Variants in MEGF11 observed in about 807,000 individuals in gnomAD.
MEGF11 encodes multiple epidermal growth factor-like domains protein 11.
Under a neutral mutation model 146.6 loss-of-function variants are expected in MEGF11, and 126 were observed. The ratio of observed to expected loss-of-function variants is 0.86; its 90% confidence interval spans 0.74 to 1.00. The LOEUF (loss-of-function observed/expected upper bound fraction) is 1.00, where lower values mean the gene tolerates loss of function less well. MEGF11 is among the 50% of genes least tolerant of loss of function. The pLI, the probability that MEGF11 is intolerant of heterozygous loss-of-function variation, is 0.00. For synonymous variants in MEGF11, 532 were observed against 583.4 expected (o/e 0.91, Z 1.27); for missense variants, 1,509 against 1,521.2 (o/e 0.99, Z 0.13).
chr15:65,926,886 G>A (rs2079389863), intron 13 of MEGF11, among the ~76,000 whole-genome samples: 1 of 152,178 alleles, frequency 6.6e-6, no homozygotes, highest in African/African-American at 2.4e-5. Flanking sequence ...CAGTGACCAG[G>A]GTTGAGCCTT....
At chr15:65,970,402 G>A in intron 8 of MEGF11, 151 bp downstream of exon 8, 2 of 835,704 alleles carry the variant, frequency 2.4e-6, no homozygotes, top group Non-Finnish European at 3.6e-6. Flanking sequence ...GAGGGATCAG[G>A]TGCCAACCCT....
intron 4 of MEGF11, among the ~76,000 whole-genome samples, chr15:66,096,989 G>C (rs1051969574): frequency 2.6e-5 from 4 of 152,138 alleles, no homozygotes; most frequent in Non-Finnish European, 4.4e-5. Context: ...CCCTGGTAAG[G>C]ACTCTGCTAA....
At chr15:66,190,596 C>T (rs1380924234) in intron 1 of MEGF11, among the ~76,000 whole-genome samples, 1 of 152,068 alleles carries the variant, frequency 6.6e-6, no homozygotes, top group African/African-American at 2.4e-5. Flanking sequence ...TTGTAGGTGG[C>T]CAAGAGATAG....
At chr15:66,157,610 A>G (rs1290099220) in intron 1 of MEGF11, among the ~76,000 whole-genome samples, 1 of 152,240 alleles carries the variant, frequency 6.6e-6, no homozygotes, top group Non-Finnish European at 1.5e-5. Flanking sequence ...AATGTCATTA[A>G]GAGGGGACAT....
chr15:66,099,678 C>G (rs1428479198), intron 4 of MEGF11, among the ~76,000 whole-genome samples: 1 of 152,216 alleles, frequency 6.6e-6, no homozygotes, highest in African/African-American at 2.4e-5. Flanking sequence ...TCATGCAAAG[C>G]ACCAAGTACC....
At chr15:65,940,776 C>A (rs2079962627) in intron 10 of MEGF11, among the ~76,000 whole-genome samples, 1 of 152,166 alleles carries the variant, frequency 6.6e-6, no homozygotes, top group Admixed American at 6.5e-5. Context: ...TGTCTGGCTC[C>A]CATGCAGGTG....
chr15:65,989,428 G>T (rs113190098), intron 5 of MEGF11, among the ~76,000 whole-genome samples: 3 of 152,282 alleles, frequency 2.0e-5, no homozygotes, highest in South Asian at 2.1e-4. Context: ...CTCCCAGAAA[G>T]GTCTGTGGCC....
At chr15:66,083,955 A>G (rs1208156375) in intron 5 of MEGF11, among the ~76,000 whole-genome samples, 2 of 152,242 alleles carry the variant, frequency 1.3e-5, no homozygotes, top group African/African-American at 4.8e-5. Flanking sequence ...CACTATCAAC[A>G]GAGTAAAAAG....
intron 5 of MEGF11, among the ~76,000 whole-genome samples, chr15:65,998,428 G>C (rs960918479): frequency 5.9e-5 from 9 of 152,226 alleles, no homozygotes; most frequent in African/African-American, 2.2e-4. Context: ...GGGCAGCTCA[G>C]TGCATCCAGG....
intron 1 of MEGF11, among the ~76,000 whole-genome samples, chr15:66,136,859 C>T (rs750266713): frequency 7.9e-5 from 12 of 152,116 alleles, no homozygotes; most frequent in Admixed American, 1.3e-4. Flanking sequence ...GAGATCCCAT[C>T]TCTACAAACA....
chr15:66,154,191 A>G (rs78470492), intron 1 of MEGF11, among the ~76,000 whole-genome samples: 10,206 of 152,300 alleles, frequency 0.067, 544 homozygotes, highest in South Asian at 0.25. Context: ...ATGATAGTGT[A>G]ACCCTTGCTA....
At chr15:66,054,690 A>AG (rs1270519470) in intron 5 of MEGF11, among the ~76,000 whole-genome samples, 1 of 152,236 alleles carries the variant, frequency 6.6e-6, no homozygotes, top group Non-Finnish European at 1.5e-5. Context: ...TAATGGAATT[A>AG]GGGCCTTACT....
chr15:66,013,002 G>A (rs2082758893), intron 5 of MEGF11, among the ~76,000 whole-genome samples: 1 of 152,224 alleles, frequency 6.6e-6, no homozygotes, highest in African/African-American at 2.4e-5. Context: ...CCTTTTTGTA[G>A]TAAGAACCTT....
At chr15:66,250,839 G>A (rs1346908250) in intron 1 of MEGF11, among the ~76,000 whole-genome samples, 7 of 152,060 alleles carry the variant, frequency 4.6e-5, no homozygotes, top group Middle Eastern at 3.4e-3. Context: ...CCCAGAAGGC[G>A]GAGGTTGCCG....
At chr15:66,170,973 G>A (rs1225768179) in intron 1 of MEGF11, among the ~76,000 whole-genome samples, 1 of 152,182 alleles carries the variant, frequency 6.6e-6, no homozygotes, top group Non-Finnish European at 1.5e-5. Context: ...GGACTTGATG[G>A]ATGTGACGCC....
chr15:65,916,703 A>G (rs1343635545), intron 17 of MEGF11, 125 bp downstream of exon 17: 1 of 1,482,658 alleles, frequency 6.7e-7, no homozygotes, highest in Admixed American at 2.0e-5. Context: ...GGCAGGAGTC[A>G]GGTACCACCA....
intron 2 of MEGF11, among the ~76,000 whole-genome samples, 175 bp downstream of exon 2, chr15:66,128,131 T>A (rs2088463903): frequency 6.6e-6 from 1 of 151,166 alleles, no homozygotes; most frequent in Non-Finnish European, 1.5e-5. Flanking sequence ...ACCCTGACCT[T>A]CCAGACAGAA....
intron 1 of MEGF11, among the ~76,000 whole-genome samples, chr15:66,139,283 G>A (rs1016685982): frequency 6.6e-6 from 1 of 152,158 alleles, no homozygotes; most frequent in African/African-American, 2.4e-5. Context: ...CAGTACTGTG[G>A]CCGATCAAAA....
At chr15:65,924,380 G>T (rs946583878) in intron 13 of MEGF11, among the ~76,000 whole-genome samples, 1 of 136,264 alleles carries the variant, frequency 7.3e-6, no homozygotes, top group South Asian at 2.8e-4. Flanking sequence ...GGGTGGGGGG[G>T]GGGGCAAGTG....
Sources: allele counts gnomAD v4.1 joint callset (sites outside exome capture counted in the v4.1 genomes callset), GRCh38; gene constraint gnomAD v4.1.1; transcripts MANE v1.5; gene names NCBI Gene and HGNC (gene_info 2026-07-23, HGNC 2026-07-21).